TAOK1: variants seen among roughly 807,000 people sequenced by gnomAD.
TAOK1 encodes the protein TAO kinase 1, also known as serine/threonine-protein kinase TAO1.
Under a neutral mutation model 138.3 loss-of-function variants are expected in TAOK1, and 21 were observed. The observed-to-expected ratio is 0.15, with a 90% CI of 0.11 to 0.22. TAOK1 has a LOEUF of 0.22. TAOK1 is among the 10% of genes least tolerant of loss of function. The probability of loss-of-function intolerance (pLI) is 1.00; values close to 1 mark genes in which losing one functional copy is unlikely to be tolerated. For synonymous variants in TAOK1, 361 were observed against 398.4 expected, an observed-to-expected ratio of 0.91 and a Z score of 1.12; for missense variants, 651 against 1,227.7, an observed-to-expected ratio of 0.53 and a Z score of 7.02.
At chr17:29,426,122 C>T (rs908569767) in intron 1 of TAOK1, among the ~76,000 whole-genome samples, 2 of 152,142 alleles carry the variant, frequency 1.3e-5, no homozygotes, top group African/African-American at 2.4e-5. Context: ...CCTCGTGATC[C>T]ACCTGCCTCA....
rs1297894114 is a variant in TAOK1 at position 29,494,560 on chromosome 17, C to T, written c.832-1000C>T. 2.6e-5 allele frequency among the ~76,000 whole-genome samples: 4 copies of T among 152,152 alleles called. No homozygotes were observed. The East Asian group carries it at 7.7e-4, about 29-fold the overall frequency. Reference sequence around the variant, plus strand: ...ATTCAAGGATAGCTGGGCGCGGTGGCTCACACCTGTAATCCCAGCACTTTG... The same window carrying T: ...ATTCAAGGATAGCTGGGCGCGGTGGTTCACACCTGTAATCCCAGCACTTTG... On this transcript the variant is annotated intron_variant, in intron 10 of 19. Transcript: ENST00000261716.
rs1044215571 is a variant in TAOK1 at position 29,530,721 on chromosome 17, C to T, written c.2361+102C>T. Reference sequence around the variant, plus strand: ...AAAGTACTAGTTGGAAATGATAGCTCTCCTGAAGCTTGGGAAATGTGGTGG... The same window carrying T: ...AAAGTACTAGTTGGAAATGATAGCTTTCCTGAAGCTTGGGAAATGTGGTGG... On this transcript the variant is annotated intron_variant, in intron 18 of 19. Coordinates refer to ENST00000261716, the MANE Select transcript of TAOK1 (RefSeq NM_020791.4). 24 of 955,276 alleles carry T rather than the reference C, an allele frequency of 2.5e-5. No individual in the cohort carries two copies. In the East Asian group the frequency reaches 5.2e-4, roughly 21 times the overall value. 59.2% of individuals were successfully genotyped at this position (955,276 alleles called of 1,614,324 possible). A position where few individuals can be genotyped will look rare whatever the true frequency, so the allele number is the denominator to read the frequency against.
At chr17:29,538,740 CACATGT>C (rs1245957393) in intron 19 of TAOK1, among the ~76,000 whole-genome samples, 1 of 152,156 alleles carries the variant, frequency 6.6e-6, no homozygotes, top group African/African-American at 2.4e-5. Context: ...AAATGAGCCT[CACATGT>C]ACATGAAGTC....
intron 1 of TAOK1, among the ~76,000 whole-genome samples, chr17:29,409,237 G>A (rs1905078183): frequency 6.8e-6 from 1 of 147,848 alleles, no homozygotes; most frequent in South Asian, 2.1e-4. Context: ...ATTGATAATT[G>A]AATTATTTCC....
chr17:29,393,361 T>C (rs758176916), intron 1 of TAOK1, among the ~76,000 whole-genome samples: 9 of 152,062 alleles, frequency 5.9e-5, no homozygotes, highest in Non-Finnish European at 1.0e-4. Flanking sequence ...TTCAGCATGC[T>C]ATAACTAAGG....
At position 29,542,586 on chromosome 17, in the gene TAOK1, A is replaced by G. The variant is rs1402740958; in HGVS notation, c.2570A>G (p.Gln857Arg). The change falls in exon 20 of 20, where the codon CAG becomes CGG. Residue 857 changes from glutamine (Q) to arginine (R), a missense_variant. By Grantham distance (43) the Gln-to-Arg change is conservative (BLOSUM62 1). Coordinates refer to ENST00000261716, the MANE Select transcript of TAOK1 (RefSeq NM_020791.4). The stretch of plus-strand genomic sequence containing the variant: ...ATTGAAGAAGAGATGTTGGCTTTGC[A>G]GAATGAGCGCACAGAACGAATACGA... ...QKIEEEMLAL[Q>R]NERTERIRSL... 1 of 1,603,304 alleles carries G rather than the reference A, an allele frequency of 6.2e-7. No individual in the cohort carries two copies. The highest frequency in any genetic ancestry group is 2.2e-5 in the East Asian group (1 of 44,710).
rs2153024252 is a variant in TAOK1, at chr17:29,451,538, T to C, written c.-11T>C. 1.2e-6 allele frequency: 2 copies of C among 1,605,044 alleles called. No homozygotes were observed. The highest frequency in any genetic ancestry group is 2.2e-5 in the East Asian group (1 of 44,820). On this transcript the variant is annotated 5_prime_UTR_variant, in exon 2 of 20. Coordinates refer to ENST00000261716, the MANE Select transcript of TAOK1 (RefSeq NM_020791.4). ...TAAAATTAGAATCAAGACAGCTGAC[T>C]GCTCAGCAGGATGCCATCAACTAAC...
In TAOK1 at chr17:29,531,820, AT is replaced by A. The variant is rs2032116691; in HGVS notation, c.2361+1203del. Among the ~76,000 whole-genome samples, 4 of 150,288 alleles carry A rather than the reference AT, an allele frequency of 2.7e-5. No homozygotes were observed. In the South Asian group the frequency reaches 8.4e-4, roughly 32 times the overall value. Reference sequence around the variant, plus strand: ...TTAGGCAGGAGGCAAAACTAAGGCTATTATGTGGGTACTTATATAACTGCTT... The same window carrying A: ...TTAGGCAGGAGGCAAAACTAAGGCTATATGTGGGTACTTATATAACTGCTT... On this transcript the variant is annotated intron_variant, in intron 18 of 19. Coordinates refer to ENST00000261716, the MANE Select transcript of TAOK1 (RefSeq NM_020791.4).
At chr17:29,421,391 A>T (rs994987289) in intron 1 of TAOK1, among the ~76,000 whole-genome samples, 3 of 152,150 alleles carry the variant, frequency 2.0e-5, no homozygotes, top group African/African-American at 7.2e-5. Flanking sequence ...ATACTGGTTT[A>T]TAGTTTTCTT....
chr17:29,487,078 G>A (rs866130562), intron 8 of TAOK1, among the ~76,000 whole-genome samples: 1 of 151,792 alleles, frequency 6.6e-6, no homozygotes, highest in Non-Finnish European at 1.5e-5. Flanking sequence ...GTGAAACCCC[G>A]TCTCTACTAA....
chr17:29,498,553 A>G (rs1243231542), intron 12 of TAOK1, 32 bp downstream of exon 12: 5 of 1,603,396 alleles, frequency 3.1e-6, no homozygotes, highest in African/African-American at 1.3e-5. Flanking sequence ...AAAGAAATTC[A>G]ATGTTGGTAA....
In TAOK1 at chr17:29,390,818, C is replaced by T. The variant is rs969373370; in HGVS notation, c.-301C>T. 2 of 150,988 alleles carry T rather than the reference C, an allele frequency of 1.3e-5. No individual in the cohort carries two copies. Among genetic ancestry groups the T allele is most frequent in the African/African-American group, 4.9e-5 (2 of 40,972 alleles). 9.4% of individuals were successfully genotyped at this position (150,988 alleles called of 1,614,324 possible). Reference sequence around the variant, plus strand: ...GGGCGCCTCCTCGACCCCGGTCGTCCCCTCGCCCCCCCCCCCACCCCCCGC... The same window carrying T: ...GGGCGCCTCCTCGACCCCGGTCGTCTCCTCGCCCCCCCCCCCACCCCCCGC... On this transcript the variant is annotated 5_prime_UTR_variant, in exon 1 of 20. Coordinates refer to ENST00000261716, the MANE Select transcript of TAOK1 (RefSeq NM_020791.4).
At chr17:29,421,233 A>G (rs1905436546) in intron 1 of TAOK1, among the ~76,000 whole-genome samples, 1 of 152,164 alleles carries the variant, frequency 6.6e-6, no homozygotes. Flanking sequence ...CCAGCCGGTT[A>G]TACATTTTTA....
At chr17:29,393,507 C>G (rs531500476) in intron 1 of TAOK1, among the ~76,000 whole-genome samples, 1 of 152,292 alleles carries the variant, frequency 6.6e-6, no homozygotes, top group South Asian at 2.1e-4. Flanking sequence ...CAGATGACCT[C>G]TGATGCCACT....
intron 1 of TAOK1, among the ~76,000 whole-genome samples, chr17:29,395,506 G>A (rs1480524393): frequency 1.3e-5 from 2 of 152,134 alleles, no homozygotes; most frequent in Non-Finnish European, 2.9e-5. Flanking sequence ...CTGACAGCCT[G>A]GGCGGCAGAA....
At chr17:29,401,348 G>A (rs935963989) in intron 1 of TAOK1, among the ~76,000 whole-genome samples, 1 of 152,122 alleles carries the variant, frequency 6.6e-6, no homozygotes, top group Non-Finnish European at 1.5e-5. Context: ...TCTGCATCTG[G>A]GGAGGCTTCA....
intron 12 of TAOK1, among the ~76,000 whole-genome samples, chr17:29,500,435 GA>G (rs2031503409): frequency 6.6e-6 from 1 of 152,040 alleles, no homozygotes; most frequent in Admixed American, 6.6e-5. Flanking sequence ...TTCATCAACG[GA>G]TGTATTAACA....
At chr17:29,394,461 G>A (rs1255327668) in intron 1 of TAOK1, among the ~76,000 whole-genome samples, 9 of 151,904 alleles carry the variant, frequency 5.9e-5, no homozygotes, top group East Asian at 5.8e-4. Context: ...CACCGTGCCC[G>A]GCAAATTTGC....
intron 1 of TAOK1, among the ~76,000 whole-genome samples, chr17:29,393,873 C>T (rs1207008541): frequency 1.3e-5 from 2 of 151,930 alleles, no homozygotes; most frequent in Non-Finnish European, 2.9e-5. Flanking sequence ...TAAAGAAGTA[C>T]AGCAATGTAC....
Sources: gnomAD v4.1 joint callset for allele counts (sites outside exome capture counted in the v4.1 genomes callset) on GRCh38, gnomAD v4.1.1 for gene constraint, MANE v1.5 for transcripts, NCBI Gene and HGNC (gene_info 2026-07-23, HGNC 2026-07-21) for gene names.